The following TOP6BL variants were observed in gnomAD, a reference collection of about 807,000 sequenced individuals.
TOP6BL encodes type 2 DNA topoisomerase 6 subunit B-like.
At chr11:66,756,525 G>A in the TOP6BL span, 2 of 1,022,076 alleles carry the variant, frequency 2.0e-6, no homozygotes, top group African/African-American at 3.5e-5. Flanking sequence ...GCTTCCACCT[G>A]CTCCACATCC....
the TOP6BL span, chr11:66,842,789 C>A: frequency 6.8e-7 from 1 of 1,466,368 alleles, no homozygotes. Flanking sequence ...TCCCCTTGGC[C>A]AAGGGTGCTC....
At chr11:66,751,133 A>T in the TOP6BL span, among the ~76,000 whole-genome samples, 5 of 151,890 alleles carry the variant, frequency 3.3e-5, no homozygotes, top group African/African-American at 4.8e-5. Context: ...CTCCCACCTC[A>T]GCCTCCTGAG....
the TOP6BL span, among the ~76,000 whole-genome samples, chr11:66,838,921 C>T: frequency 1.3e-4 from 20 of 152,176 alleles, no homozygotes; most frequent in Non-Finnish European, 2.5e-4. Flanking sequence ...TTAGTAGAGA[C>T]GGGGTTTCAC....
the TOP6BL span, among the ~76,000 whole-genome samples, chr11:66,746,731 C>T: frequency 6.6e-6 from 1 of 151,006 alleles, no homozygotes; most frequent in Non-Finnish European, 1.5e-5. Context: ...AAAAAATTAG[C>T]AGGGTGTGGT....
At chr11:66,771,438 C>G in the TOP6BL span, 2 of 152,500 alleles carry the variant, frequency 1.3e-5, no homozygotes, top group African/African-American at 4.8e-5. Context: ...CATGGTGAAA[C>G]CCCGTCTCTA....
the TOP6BL span, among the ~76,000 whole-genome samples, chr11:66,803,654 A>T: frequency 6.6e-6 from 1 of 152,060 alleles, no homozygotes; most frequent in Non-Finnish European, 1.5e-5. Context: ...TGAACTCCTG[A>T]CCTCAAGTGA....
At chr11:66,827,861 A>ACTTT in the TOP6BL span, among the ~76,000 whole-genome samples, 1 of 146,440 alleles carries the variant, frequency 6.8e-6, no homozygotes, top group Admixed American at 7.0e-5. Flanking sequence ...GCTACTCGGG[A>ACTTT]GGCTGAAGCA....
At chr11:66,753,947 C>T in the TOP6BL span, among the ~76,000 whole-genome samples, 3 of 152,128 alleles carry the variant, frequency 2.0e-5, no homozygotes, top group Admixed American at 6.5e-5. Flanking sequence ...TCAGGTGATA[C>T]GCCCAGCTCA....
chr11:66,759,549 G>A, the TOP6BL span, among the ~76,000 whole-genome samples: 5 of 152,218 alleles, frequency 3.3e-5, no homozygotes, highest in Non-Finnish European at 5.9e-5. Flanking sequence ...GAGTTGGTAC[G>A]GTTTAGGAGT....
chr11:66,752,948 G>A, the TOP6BL span, among the ~76,000 whole-genome samples: 1 of 151,986 alleles, frequency 6.6e-6, no homozygotes, highest in Non-Finnish European at 1.5e-5. Context: ...GGGCGACACG[G>A]TGAAACCCCA....
chr11:66,824,424 TTATTA>T, the TOP6BL span, among the ~76,000 whole-genome samples: 12 of 45,300 alleles, frequency 2.6e-4, no homozygotes, highest in African/African-American at 1.5e-3. Flanking sequence ...TTTGTATTTA[TTATTA>T]TTATTATTAT....
the TOP6BL span, among the ~76,000 whole-genome samples, chr11:66,789,633 G>C: frequency 6.6e-6 from 1 of 152,150 alleles, no homozygotes; most frequent in Non-Finnish European, 1.5e-5. Flanking sequence ...GAACCAAGAA[G>C]GGCAATTCTA....
the TOP6BL span, among the ~76,000 whole-genome samples, chr11:66,821,329 C>T: frequency 1.3e-5 from 2 of 151,198 alleles, no homozygotes; most frequent in Non-Finnish European, 2.9e-5. Context: ...ACTCTGTCAC[C>T]CAGGCTGGAG....
chr11:66,770,818 C>T, the TOP6BL span, among the ~76,000 whole-genome samples: 2 of 152,154 alleles, frequency 1.3e-5, no homozygotes, highest in Admixed American at 6.6e-5. Context: ...CCTTACCCAT[C>T]GTTGGCCACT....
the TOP6BL span, among the ~76,000 whole-genome samples, chr11:66,746,225 C>G: frequency 6.6e-6 from 1 of 152,154 alleles, no homozygotes; most frequent in South Asian, 2.1e-4. Context: ...ATCTCCCTGC[C>G]TTTAAAAAGG....
At chr11:66,816,596 C>G in the TOP6BL span, among the ~76,000 whole-genome samples, 1 of 152,126 alleles carries the variant, frequency 6.6e-6, no homozygotes, top group Non-Finnish European at 1.5e-5. Flanking sequence ...TAGAGATGCT[C>G]TGTCGTCCAG....
At chr11:66,833,464 G>A in the TOP6BL span, among the ~76,000 whole-genome samples, 1 of 152,084 alleles carries the variant, frequency 6.6e-6, no homozygotes, top group Non-Finnish European at 1.5e-5. Flanking sequence ...ACATATTTGG[G>A]GTGGGGGAGA....
the TOP6BL span, among the ~76,000 whole-genome samples, chr11:66,793,390 G>A: frequency 1.3e-5 from 2 of 149,426 alleles, no homozygotes; most frequent in Non-Finnish European, 3.0e-5. Flanking sequence ...ACTGTGCCCA[G>A]CCCATTTTTG....
At chr11:66,830,225 T>C in the TOP6BL span, among the ~76,000 whole-genome samples, 1 of 152,132 alleles carries the variant, frequency 6.6e-6, no homozygotes, top group African/African-American at 2.4e-5. Context: ...TATAATAGAA[T>C]TATTACAGCA....
Sources: allele counts gnomAD v4.1 joint callset (sites outside exome capture counted in the v4.1 genomes callset), GRCh38; gene constraint gnomAD v4.1.1; transcripts MANE v1.5; gene names NCBI Gene and HGNC (gene_info 2026-07-23, HGNC 2026-07-21).